ADAMTS17: variants seen among roughly 807,000 people sequenced by gnomAD.
The protein encoded by ADAMTS17 is A disintegrin and metalloproteinase with thrombospondin motifs 17.
A neutral mutation model predicts 141.5 loss-of-function variants in ADAMTS17; 113 were observed. That is an observed-to-expected ratio of 0.80 (90% CI 0.69 to 0.93). ADAMTS17 has a LOEUF of 0.93. Among genes scored for constraint, ADAMTS17 ranks in the 40% least tolerant of loss-of-function variants. The pLI is 0.00. For missense variants in ADAMTS17, 1,659 were observed against 1,517.9 expected (o/e 1.09, Z -1.54); for synonymous variants, 768 against 630.6 (o/e 1.22, Z -3.27).
intron 3 of ADAMTS17, among the ~76,000 whole-genome samples, chr15:100,281,913 T>C (rs1390793615): frequency 6.6e-6 from 1 of 152,076 alleles, no homozygotes; most frequent in African/African-American, 2.4e-5. Flanking sequence ...AAACACTATG[T>C]TTTTTAAAAA....
At chr15:100,335,381 G>A (rs1179233946) in intron 2 of ADAMTS17, among the ~76,000 whole-genome samples, 1 of 151,990 alleles carries the variant, frequency 6.6e-6, no homozygotes, top group Non-Finnish European at 1.5e-5. Context: ...ATGGGGCCTC[G>A]GTGACTTTTC....
chr15:100,160,631 C>T (rs1053611460), intron 8 of ADAMTS17, among the ~76,000 whole-genome samples: 3 of 152,220 alleles, frequency 2.0e-5, no homozygotes, highest in African/African-American at 7.2e-5. Context: ...ACTCCATATT[C>T]CTCACAGGGA....
At chr15:100,077,376 C>T (rs1288057835) in intron 15 of ADAMTS17, among the ~76,000 whole-genome samples, 3 of 147,976 alleles carry the variant, frequency 2.0e-5, no homozygotes, top group African/African-American at 5.0e-5. Context: ...GCACGAGAAT[C>T]GCTTGAACCC....
chr15:100,213,708 G>A (rs1326201161), intron 7 of ADAMTS17, among the ~76,000 whole-genome samples: 2 of 152,310 alleles, frequency 1.3e-5, no homozygotes, highest in East Asian at 1.9e-4. Context: ...TCCCTTCCAA[G>A]GCTGATCCAT....
At chr15:99,975,037 A>C (rs1228696555) in intron 21 of ADAMTS17, among the ~76,000 whole-genome samples, 1 of 152,224 alleles carries the variant, frequency 6.6e-6, no homozygotes, top group East Asian at 1.9e-4. Flanking sequence ...GAAGTTCCCA[A>C]GCAGGCCGGT....
At chr15:100,067,436 A>G (rs1182203389) in intron 15 of ADAMTS17, among the ~76,000 whole-genome samples, 2 of 152,280 alleles carry the variant, frequency 1.3e-5, no homozygotes, top group Non-Finnish European at 2.9e-5. Flanking sequence ...CTAAGCACGG[A>G]TAACAGGGAA....
chr15:100,237,822 C>A (rs544394702), intron 7 of ADAMTS17, among the ~76,000 whole-genome samples: 1 of 152,268 alleles, frequency 6.6e-6, no homozygotes, highest in South Asian at 2.1e-4. Context: ...CAGGGTTTCA[C>A]GATGTTGGCC....
At chr15:99,979,113 A>G (rs2060428579) in intron 20 of ADAMTS17, 1 of 152,288 alleles carries the variant, frequency 6.6e-6, no homozygotes, top group African/African-American at 2.4e-5. Flanking sequence ...TTTAGAGGCC[A>G]GGTGCGGTGG....
At chr15:100,255,963 A>C (rs376738885) in intron 6 of ADAMTS17, among the ~76,000 whole-genome samples, 3 of 152,314 alleles carry the variant, frequency 2.0e-5, no homozygotes, top group Admixed American at 6.5e-5. Context: ...AGGGAGAGCC[A>C]CACTCAGTTA....
At chr15:100,330,316 C>T (rs374067648) in intron 3 of ADAMTS17, among the ~76,000 whole-genome samples, 3 of 152,220 alleles carry the variant, frequency 2.0e-5, no homozygotes, top group Non-Finnish European at 4.4e-5. Context: ...CACTTTAGCA[C>T]GTATCTAAAT....
At chr15:100,214,493 G>A (rs1193603680) in intron 7 of ADAMTS17, among the ~76,000 whole-genome samples, 2 of 148,480 alleles carry the variant, frequency 1.3e-5, no homozygotes, top group African/African-American at 5.0e-5. Context: ...TGTAATTGTG[G>A]TAATTATGTT....
At chr15:100,263,143 T>C (rs1014130136) in intron 4 of ADAMTS17, among the ~76,000 whole-genome samples, 3 of 152,148 alleles carry the variant, frequency 2.0e-5, no homozygotes, top group African/African-American at 4.8e-5. Flanking sequence ...TGGGCTTTCA[T>C]GCTTGGGGTT....
At chr15:100,321,853 GAACAC>G (rs1303970541) in intron 3 of ADAMTS17, among the ~76,000 whole-genome samples, 2 of 152,186 alleles carry the variant, frequency 1.3e-5, no homozygotes, top group East Asian at 3.8e-4. Flanking sequence ...TGGGCATATA[GAACAC>G]AACAATTAGA....
chr15:100,134,076 C>G (rs1596522690), intron 10 of ADAMTS17, among the ~76,000 whole-genome samples: 2 of 152,214 alleles, frequency 1.3e-5, no homozygotes, highest in Non-Finnish European at 2.9e-5. Flanking sequence ...ATCATGAAAG[C>G]AGACACAGCC....
chr15:100,306,716 G>A (rs555125473), intron 3 of ADAMTS17: 27 of 377,514 alleles, frequency 7.2e-5, no homozygotes, highest in East Asian at 2.2e-4. Context: ...AGCAGTCAGC[G>A]CCATAACTTG....
intron 8 of ADAMTS17, among the ~76,000 whole-genome samples, chr15:100,170,165 G>A (rs1207451455): frequency 6.6e-6 from 1 of 152,154 alleles, no homozygotes; most frequent in Non-Finnish European, 1.5e-5. Flanking sequence ...TGGGGGTAGA[G>A]AACTTTGAAT....
At chr15:100,142,717 T>G (rs988449348) in intron 10 of ADAMTS17, among the ~76,000 whole-genome samples, 13 of 152,176 alleles carry the variant, frequency 8.5e-5, no homozygotes, top group African/African-American at 3.1e-4. Context: ...TCTCAGGCAC[T>G]GTGTGATCTA....
chr15:100,075,618 A>G (rs1209162988), intron 15 of ADAMTS17, among the ~76,000 whole-genome samples: 3 of 152,178 alleles, frequency 2.0e-5, no homozygotes, highest in Non-Finnish European at 2.9e-5. Flanking sequence ...ATGTCTAATA[A>G]CTATTAGGCT....
intron 3 of ADAMTS17, among the ~76,000 whole-genome samples, chr15:100,289,494 G>A (rs2044556647): frequency 6.6e-6 from 1 of 151,898 alleles, no homozygotes; most frequent in Admixed American, 6.6e-5. Context: ...TATATGGTCA[G>A]CATCATTCTG....
Sources: allele counts gnomAD v4.1 joint callset (sites outside exome capture counted in the v4.1 genomes callset), GRCh38; gene constraint gnomAD v4.1.1; transcripts MANE v1.5; gene names NCBI Gene and HGNC (gene_info 2026-07-23, HGNC 2026-07-21).